Variants in RAD52 observed in about 807,000 individuals in gnomAD.
RAD52 encodes the protein DNA repair protein RAD52 homolog.
Under a neutral mutation model 55.5 loss-of-function variants are expected in RAD52, and 47 were observed. The ratio of observed to expected loss-of-function variants is 0.85; its 90% CI spans 0.67 to 1.08. The LOEUF is 1.08. Among genes scored for constraint, RAD52 ranks in the 50% least tolerant of loss-of-function variants. RAD52 has a pLI of 0.00. For synonymous variants in RAD52, 184 were observed against 198.9 expected, an observed-to-expected ratio of 0.92 and a Z score of 0.63; for missense variants, 468 against 522.8, an observed-to-expected ratio of 0.90 and a Z score of 1.02.
intron 1 of RAD52, among the ~76,000 whole-genome samples, chr12:940,835 G>A (rs1957882876): frequency 6.6e-6 from 1 of 151,744 alleles, no homozygotes; most frequent in Non-Finnish European, 1.5e-5. Flanking sequence ...TGTCACTCCT[G>A]CTCACGAAAT....
At chr12:918,994 A>G (rs936769097) in intron 7 of RAD52, among the ~76,000 whole-genome samples, 1 of 152,198 alleles carries the variant, frequency 6.6e-6, no homozygotes, top group African/African-American at 2.4e-5. Flanking sequence ...TTACATATAT[A>G]AAGTTCAAAA....
chr12:965,739 G>T (rs1958752443), intron 1 of RAD52, among the ~76,000 whole-genome samples: 1 of 151,850 alleles, frequency 6.6e-6, no homozygotes, highest in Admixed American at 6.6e-5. Context: ...AGGCTGGAGT[G>T]CACTGTCTCG....
At chr12:921,803 C>T (rs1038417692) in intron 7 of RAD52, among the ~76,000 whole-genome samples, 7 of 152,068 alleles carry the variant, frequency 4.6e-5, no homozygotes, top group African/African-American at 1.7e-4. Context: ...AGATGGCCAA[C>T]AAGCATATGA....
At chr12:985,023 A>G (rs759933787) in intron 1 of RAD52, among the ~76,000 whole-genome samples, 18 of 152,136 alleles carry the variant, frequency 1.2e-4, no homozygotes, top group Non-Finnish European at 2.2e-4. Flanking sequence ...ATTAGCCAGG[A>G]TGGTCTCGAT....
upstream of RAD52, among the ~76,000 whole-genome samples, chr12:951,194 C>G (rs1428641512): frequency 1.3e-5 from 2 of 152,114 alleles, no homozygotes; most frequent in African/African-American, 4.8e-5. Flanking sequence ...CTCACTGCAA[C>G]CTCTAACTCC....
At chr12:950,502 A>G (rs1402972770), upstream of RAD52, among the ~76,000 whole-genome samples, 2 of 148,438 alleles carry the variant, frequency 1.3e-5, no homozygotes, top group East Asian at 2.0e-4. Context: ...ACCCCGGGGG[A>G]CGGAGCCTGC....
chr12:925,761 G>A (rs951920933), intron 6 of RAD52, among the ~76,000 whole-genome samples: 1 of 152,148 alleles, frequency 6.6e-6, no homozygotes, highest in Admixed American at 6.5e-5. Context: ...CAGAGAAGAT[G>A]AGTATGAAAA....
Position 927,263 on chromosome 12 carries a change from C to T in RAD52, c.349G>A (p.Asp117Asn). The change falls in exon 6 of 12, where the codon GAT becomes AAT. Residue 117 changes from aspartate to asparagine, a missense_variant and splice_region_variant. Transcript: ENST00000358495. ...VCAFVRVQLK[D>N]GSYHEDVGYG... ...CCAACATCTTCATGATATGAACCAT[C>T]CTGGGGGCAGAAAAGGAGTTTGAAC... is the stretch of plus-strand genomic sequence containing the variant. The T allele has an allele frequency of 6.2e-7, 1 of 1,609,616 alleles. No individual in the cohort carries two copies. The highest frequency in any genetic ancestry group is 8.5e-7 in the Non-Finnish European group (1 of 1,175,990).
Position 926,381 on chromosome 12 carries a change from G to A in RAD52, c.467+764C>T, listed in dbSNP as rs1204623820. On this transcript the variant is annotated intron_variant, in intron 6 of 11. Coordinates refer to ENST00000358495, the MANE Select transcript of RAD52 (RefSeq NM_134424.4). The stretch of plus-strand genomic sequence containing the variant: ...TAACTGGGGGTGGTGTTATGTGCCT[G>A]TGATCCCAGCTACTCGGGAGGCTGA... 2.0e-5 allele frequency among the ~76,000 whole-genome samples: 3 copies of A among 151,994 alleles called. No homozygotes were observed. The East Asian group carries it at 5.8e-4, about 29-fold the overall frequency.
At chr12:932,886 C>T (rs1592384565) in intron 2 of RAD52, 89 bp downstream of exon 2, 1 of 1,108,650 alleles carries the variant, frequency 9.0e-7, no homozygotes, top group East Asian at 2.4e-5. Flanking sequence ...GTACTGCTCA[C>T]ACATGTACTA....
intron 7 of RAD52, among the ~76,000 whole-genome samples, chr12:920,074 G>A (rs12296544): frequency 0.012 from 1,403 of 115,072 alleles, 408 homozygotes; most frequent in African/African-American, 0.049. Flanking sequence ...AAAATTAGCC[G>A]GGCATGGTAG....
At chr12:935,380 C>CTTTTT (rs34383735) in intron 1 of RAD52, among the ~76,000 whole-genome samples, 1 of 128,498 alleles carries the variant, frequency 7.8e-6, no homozygotes, top group Non-Finnish European at 1.7e-5. Flanking sequence ...ACCTGTGAAT[C>CTTTTT]TTTTTTTTTT....
intron 1 of RAD52, among the ~76,000 whole-genome samples, chr12:980,081 C>T (rs1378210122): frequency 7.3e-5 from 11 of 151,712 alleles, no homozygotes; most frequent in Non-Finnish European, 2.9e-5. Flanking sequence ...CCCATCTACT[C>T]GGGAGGCTAA....
At chr12:950,105 G>GT (rs1393280929), upstream of RAD52, among the ~76,000 whole-genome samples, 1 of 152,212 alleles carries the variant, frequency 6.6e-6, no homozygotes, top group African/African-American at 2.4e-5. Context: ...AGGATGAATG[G>GT]TTGTCAGAGA....
At chr12:952,283 A>G (rs1199409265), upstream of RAD52, among the ~76,000 whole-genome samples, 15 of 152,084 alleles carry the variant, frequency 9.9e-5, no homozygotes, top group Admixed American at 9.8e-4. Flanking sequence ...AATTTTTTTT[A>G]GAGAGGGGTT....
Position 913,378 on chromosome 12 carries a change from G to C in RAD52, c.*13C>G. The C allele has an allele frequency of 6.3e-7, 1 of 1,585,812 alleles. No homozygotes were observed. Among genetic ancestry groups the C allele is most frequent in the Non-Finnish European group, 8.6e-7 (1 of 1,156,560 alleles). On this transcript the variant is annotated 3_prime_UTR_variant, in exon 12 of 12. Coordinates refer to ENST00000358495, the MANE Select transcript of RAD52 (RefSeq NM_134424.4). Reference sequence around the variant, plus strand: ...CTTTGTGACAGAGTCCAATTATGTGGCCTGAGCCTCAGTTAAGATGGATCA... The same window carrying C: ...CTTTGTGACAGAGTCCAATTATGTGCCCTGAGCCTCAGTTAAGATGGATCA...
At position 927,144 on chromosome 12, in the gene RAD52, C is replaced by T. The variant is rs1957080375; in HGVS notation, c.467+1G>A. ...GGTTAGACTCCCAGCCCCGCGCTCA[C>T]CTGAGGGCTCGCTTCAGCCCGTCTG... On this transcript the variant is annotated splice_donor_variant, in intron 6 of 11. Coordinates refer to ENST00000358495, the MANE Select transcript of RAD52 (RefSeq NM_134424.4). LOFTEE classifies it high-confidence loss of function. The T allele has an allele frequency of 1.9e-6, 3 of 1,613,490 alleles. No homozygotes were observed. The highest frequency in any genetic ancestry group is 2.5e-6 in the Non-Finnish European group (3 of 1,179,658).
chr12:914,536 C>T lies in RAD52; in HGVS notation c.866-4G>A, dbSNP rs369775090. ...ACAGGAGGGGCCGGAGGCGCTGCTA[C>T]GGTTCACAGAGGAGAGAAAGGACAA... On this transcript the variant is annotated splice_polypyrimidine_tract_variant and splice_region_variant and intron_variant, in intron 9 of 11. Transcript: ENST00000358495. 36 of 1,613,126 alleles carry T rather than the reference C, an allele frequency of 2.2e-5. No homozygotes were observed. Among genetic ancestry groups the T allele is most frequent in the East Asian group, 8.9e-5 (4 of 44,878 alleles).
chr12:935,200 A>G (rs1249077152), intron 1 of RAD52, among the ~76,000 whole-genome samples: 3 of 152,132 alleles, frequency 2.0e-5, no homozygotes, highest in Admixed American at 6.6e-5. Flanking sequence ...CTGTGGGGTC[A>G]AAAAGAAATA....
Sources: allele counts gnomAD v4.1 joint callset (sites outside exome capture counted in the v4.1 genomes callset), GRCh38; gene constraint gnomAD v4.1.1; transcripts MANE v1.5; gene names NCBI Gene and HGNC (gene_info 2026-07-23, HGNC 2026-07-21).